Variants in ROBO2 observed in about 807,000 individuals in gnomAD.
ROBO2 encodes the protein roundabout guidance receptor 2, also known as roundabout homolog 2.
In ROBO2, 53 loss-of-function variants were observed where a neutral mutation model predicts 160.8. The ratio of observed to expected loss-of-function variants is 0.33; its 90% CI spans 0.26 to 0.41. ROBO2 has a LOEUF of 0.41. Ranked by LOEUF, ROBO2 falls within the 10% of genes least tolerant of loss-of-function variation. ROBO2 has a pLI of 1.00. For missense variants in ROBO2, 1,577 were observed against 1,722.4 expected (o/e 0.92, Z 1.49); for synonymous variants, 664 against 611.7 (o/e 1.09, Z -1.26).
At chr3:77,382,300 G>A (rs141743344) in intron 2 of ROBO2, among the ~76,000 whole-genome samples, 1 of 150,562 alleles carries the variant, frequency 6.6e-6, no homozygotes, top group East Asian at 1.9e-4. Flanking sequence ...CCATTAGAAT[G>A]AGAACATTCT....
At chr3:76,182,772 G>T (rs1278310005) in intron 2 of ROBO2, among the ~76,000 whole-genome samples, 1 of 152,068 alleles carries the variant, frequency 6.6e-6, no homozygotes, top group Non-Finnish European at 1.5e-5. Flanking sequence ...CTTCCTTTTG[G>T]AGATTGGGGA....
At chr3:77,118,459 AACATTT>A (rs1359697365) in intron 2 of ROBO2, among the ~76,000 whole-genome samples, 2 of 152,214 alleles carry the variant, frequency 1.3e-5, no homozygotes, top group Non-Finnish European at 2.9e-5. Context: ...TAGAACACTA[AACATTT>A]ATTGGTTTTA....
intron 1 of ROBO2, among the ~76,000 whole-genome samples, chr3:75,918,217 G>A (rs1160534820): frequency 1.3e-5 from 2 of 152,184 alleles, no homozygotes; most frequent in East Asian, 1.9e-4. Flanking sequence ...TTTATAAGGT[G>A]TAACGAAGGG....
intron 2 of ROBO2, among the ~76,000 whole-genome samples, chr3:76,322,503 T>C (rs1440179350): frequency 6.6e-6 from 1 of 152,092 alleles, no homozygotes; most frequent in Admixed American, 6.6e-5. Context: ...TAATTTTAAA[T>C]GCCTTATGTA....
rs189821495 is a variant in ROBO2, at chr3:77,170,444, C to T, written c.388+72104C>T. Among the ~76,000 whole-genome samples, 3 of 152,118 alleles carry T rather than the reference C, an allele frequency of 2.0e-5. No homozygotes were observed. The East Asian group carries it at 5.8e-4, about 29-fold the overall frequency. On this transcript the variant is annotated intron_variant, in intron 2 of 25. Transcript: ENST00000461745. ...TAAAGCACTTAAAATGATAAGAATT[C>T]TTAAGAATCTGTAAGAATCTGAGAG...
chr3:77,495,736 G>A (rs1180693854), intron 5 of ROBO2, among the ~76,000 whole-genome samples: 3 of 152,036 alleles, frequency 2.0e-5, no homozygotes, highest in African/African-American at 7.3e-5. Context: ...TTGTATCAGG[G>A]GGCACATTAT....
chr3:76,820,883 T>G (rs1460614902), intron 2 of ROBO2, among the ~76,000 whole-genome samples: 1 of 151,968 alleles, frequency 6.6e-6, no homozygotes, highest in South Asian at 2.1e-4. Flanking sequence ...AGATTGTTTT[T>G]GACAATATGC....
chr3:76,766,965 G>A (rs1450993545), intron 2 of ROBO2, among the ~76,000 whole-genome samples: 1 of 151,438 alleles, frequency 6.6e-6, no homozygotes, highest in Non-Finnish European at 1.5e-5. Flanking sequence ...CAAGGTGAAA[G>A]AATAATTCAC....
At chr3:77,599,465 G>A (rs1435545635) in intron 19 of ROBO2, among the ~76,000 whole-genome samples, 1 of 143,930 alleles carries the variant, frequency 6.9e-6, no homozygotes, top group East Asian at 2.1e-4. Context: ...CATGGACACA[G>A]GAAGGGGAAC....
chr3:75,951,197 A>G (rs1056183240), intron 2 of ROBO2, among the ~76,000 whole-genome samples: 1 of 152,064 alleles, frequency 6.6e-6, no homozygotes, highest in African/African-American at 2.4e-5. Context: ...ATAAATTTAT[A>G]TACCTATTAC....
At position 77,075,672 on chromosome 3, in the gene ROBO2, C is replaced by CTTTTTTTTTTTTTTTTTTTTTTTTTTT. The variant is rs1174587812; in HGVS notation, c.62-22319_62-22318insTTTTTTTTTTTTTTTTTTTTTTTTTTT. 4.6e-5 allele frequency among the ~76,000 whole-genome samples: 4 copies of CTTTTTTTTTTTTTTTTTTTTTTTTTTT among 87,254 alleles called. 2 individuals are homozygous for CTTTTTTTTTTTTTTTTTTTTTTTTTTT. The highest frequency in any genetic ancestry group is 2.0e-4 in the African/African-American group (4 of 20,458). 57.2% of individuals were successfully genotyped at this position (87,254 alleles called of 152,430 possible). A position where few individuals can be genotyped will look rare whatever the true frequency, so the allele number is the denominator to read the frequency against. ...ATACACTACTATTTCTTTCTTTCTC[C>CTTTTTTTTTTTTTTTTTTTTTTTTTTT]TTTTTTTTTTTTTTTTTTTTTTTGA... On this transcript the variant is annotated intron_variant, in intron 1 of 25. Transcript: ENST00000461745.
At chr3:77,063,805 C>A (rs180681080) in intron 1 of ROBO2, among the ~76,000 whole-genome samples, 3 of 152,160 alleles carry the variant, frequency 2.0e-5, no homozygotes, top group African/African-American at 7.2e-5. Context: ...CTACTGGTTT[C>A]CATTGGTTTT....
At chr3:76,596,480 T>C (rs2086742777) in intron 2 of ROBO2, among the ~76,000 whole-genome samples, 1 of 152,118 alleles carries the variant, frequency 6.6e-6, no homozygotes, top group Non-Finnish European at 1.5e-5. Flanking sequence ...TAGAACCCTC[T>C]CTGACATTTA....
chr3:77,250,695 G>GTC (rs2090241707), intron 2 of ROBO2, among the ~76,000 whole-genome samples: 17 of 152,138 alleles, frequency 1.1e-4, no homozygotes, highest in Admixed American at 7.9e-4. Flanking sequence ...AGTTTGGAAA[G>GTC]AGGAGATGCA....
chr3:76,223,048 C>T (rs141660083), intron 2 of ROBO2, among the ~76,000 whole-genome samples: 2 of 151,808 alleles, frequency 1.3e-5, no homozygotes, highest in East Asian at 2.0e-4. Flanking sequence ...CGCCACCGCA[C>T]GCAGCCCTTA....
At chr3:76,386,788 G>T (rs1160316522) in intron 2 of ROBO2, among the ~76,000 whole-genome samples, 1 of 152,100 alleles carries the variant, frequency 6.6e-6, no homozygotes, top group Admixed American at 6.5e-5. Context: ...CAAATGCTTT[G>T]CAAGTTCCAA....
intron 2 of ROBO2, among the ~76,000 whole-genome samples, chr3:76,031,615 G>A (rs1324903517): frequency 2.0e-5 from 3 of 152,132 alleles, no homozygotes; most frequent in Non-Finnish European, 4.4e-5. Context: ...AATCTATTGA[G>A]ATAATCGTGT....
chr3:76,034,468 T>A (rs913401744), intron 2 of ROBO2, among the ~76,000 whole-genome samples: 1 of 152,202 alleles, frequency 6.6e-6, no homozygotes, highest in Non-Finnish European at 1.5e-5. Flanking sequence ...AGGTTATGTA[T>A]CCTTGCAGAT....
chr3:76,895,874 C>T (rs1160140250), intron 2 of ROBO2, among the ~76,000 whole-genome samples: 23 of 152,108 alleles, frequency 1.5e-4, no homozygotes, highest in Admixed American at 1.5e-3. Flanking sequence ...TTGTATTTCT[C>T]ACTTTGCAAA....
Sources: allele counts gnomAD v4.1 joint callset (sites outside exome capture counted in the v4.1 genomes callset), GRCh38; gene constraint gnomAD v4.1.1; transcripts MANE v1.5; gene names NCBI Gene and HGNC (gene_info 2026-07-23, HGNC 2026-07-21).